Variants in ADRA1A observed in about 807,000 individuals in gnomAD.
ADRA1A encodes the protein alpha-1A adrenergic receptor.
Under a neutral mutation model 29.6 loss-of-function variants are expected in ADRA1A, and 31 were observed. That is an observed-to-expected ratio of 1.05 (90% CI 0.79 to 1.41). The LOEUF is 1.41. ADRA1A is among the 40% of genes most tolerant of loss of function. ADRA1A has a pLI of 0.00. For synonymous variants in ADRA1A, 311 were observed against 254.3 expected, an observed-to-expected ratio of 1.22 and a Z score of -2.12; for missense variants, 619 against 601.1, an observed-to-expected ratio of 1.03 and a Z score of -0.31.
At chr8:26,770,902 T>C (rs1016757682) in intron 2 of ADRA1A, among the ~76,000 whole-genome samples, 1 of 152,174 alleles carries the variant, frequency 6.6e-6, no homozygotes, top group Non-Finnish European at 1.5e-5. Flanking sequence ...GCAGGCCCAG[T>C]GGGTAGGGTT....
At chr8:26,857,013 C>T (rs1813098764) in intron 2 of ADRA1A, among the ~76,000 whole-genome samples, 1 of 152,214 alleles carries the variant, frequency 6.6e-6, no homozygotes, top group African/African-American at 2.4e-5. Flanking sequence ...ACTTGCTGCT[C>T]TCCCATCAAG....
intron 2 of ADRA1A, among the ~76,000 whole-genome samples, chr8:26,853,301 G>T (rs1812770047): frequency 6.6e-6 from 1 of 152,144 alleles, no homozygotes; most frequent in Non-Finnish European, 1.5e-5. Flanking sequence ...TTTTCCAGGA[G>T]ATGTTAGCAG....
chr8:26,855,312 T>G (rs1812958957), intron 2 of ADRA1A, among the ~76,000 whole-genome samples: 1 of 151,854 alleles, frequency 6.6e-6, no homozygotes, highest in Non-Finnish European at 1.5e-5. Flanking sequence ...ATAAGCTACA[T>G]CTTCTTGGCA....
chr8:26,861,059 C>T (rs1024674241), intron 2 of ADRA1A, among the ~76,000 whole-genome samples: 1 of 152,286 alleles, frequency 6.6e-6, no homozygotes, highest in African/African-American at 2.4e-5. Context: ...GTGAGCCTCA[C>T]GTGCCTTCCT....
chr8:26,854,511 A>G (rs544215), intron 2 of ADRA1A: 63,911 of 149,528 alleles, frequency 0.43, 14,198 homozygotes, highest in Middle Eastern at 0.51. Flanking sequence ...ATACCTGTTA[A>G]TGTGGCAGCC....
At chr8:26,790,443 T>C (rs1375164034) in intron 2 of ADRA1A, among the ~76,000 whole-genome samples, 3 of 152,112 alleles carry the variant, frequency 2.0e-5, no homozygotes, top group Non-Finnish European at 4.4e-5. Flanking sequence ...TAGTGGTTAC[T>C]GAAGGCTGGG....
intron 2 of ADRA1A, among the ~76,000 whole-genome samples, chr8:26,786,469 T>G (rs1205140757): frequency 6.6e-6 from 1 of 151,880 alleles, no homozygotes; most frequent in Admixed American, 6.6e-5. Flanking sequence ...TTGCAAGAGA[T>G]GTACTCCATT....
At chr8:26,793,582 C>T (rs963619052) in intron 2 of ADRA1A, among the ~76,000 whole-genome samples, 1 of 151,870 alleles carries the variant, frequency 6.6e-6, no homozygotes, top group Non-Finnish European at 1.5e-5. Context: ...ATGCCTCTGA[C>T]AAGCCTGACT....
chr8:26,857,317 C>T (rs981093540), intron 2 of ADRA1A, among the ~76,000 whole-genome samples: 1 of 152,024 alleles, frequency 6.6e-6, no homozygotes, highest in Non-Finnish European at 1.5e-5. Flanking sequence ...AAGCCACTAC[C>T]TTTTGGGATG....
chr8:26,848,161 C>T lies in ADRA1A; in HGVS notation c.883+15926G>A, dbSNP rs1194226108. On this transcript the variant is annotated intron_variant, in intron 2 of 2. Coordinates refer to ENST00000380573, the MANE Select transcript of ADRA1A (RefSeq NM_000680.4). The surrounding 1 kb of genome is among the most constrained non-coding windows in gnomAD (Gnocchi z 4.3). The stretch of plus-strand genomic sequence containing the variant: ...GCAGCTCCTGCAAGATGTCACTAAT[C>T]CCTTGCGTGCCTCAGTTTCCTTATC... Among the ~76,000 whole-genome samples, 1 of 152,230 alleles carries T rather than the reference C, an allele frequency of 6.6e-6. No homozygotes were observed. Among genetic ancestry groups the T allele is most frequent in the African/African-American group, 2.4e-5 (1 of 41,464 alleles).
At chr8:26,818,018 C>T (rs1809885002) in intron 2 of ADRA1A, among the ~76,000 whole-genome samples, 1 of 152,196 alleles carries the variant, frequency 6.6e-6, no homozygotes, top group Non-Finnish European at 1.5e-5. Context: ...CAGGAAGGAA[C>T]ATCCCAACAT....
At chr8:26,762,327 AG>A (rs2130217180), downstream of ADRA1A, among the ~76,000 whole-genome samples, 1 of 152,194 alleles carries the variant, frequency 6.6e-6, no homozygotes, top group Non-Finnish European at 1.5e-5. The surrounding 1 kb of genome is among the most constrained non-coding windows in gnomAD (Gnocchi z 4.0). Flanking sequence ...AGAGGGTAAA[AG>A]TCATTGGGGG....
intron 2 of ADRA1A, among the ~76,000 whole-genome samples, chr8:26,833,697 G>A (rs1056009884): frequency 6.6e-6 from 1 of 152,146 alleles, no homozygotes; most frequent in African/African-American, 2.4e-5. Flanking sequence ...CAATTCATTC[G>A]GCTTGCATAT....
chr8:26,840,263 C>CATTT (rs1811721328), intron 2 of ADRA1A, among the ~76,000 whole-genome samples: 1 of 152,188 alleles, frequency 6.6e-6, no homozygotes, highest in Non-Finnish European at 1.5e-5. Flanking sequence ...AATCCCTGGG[C>CATTT]ATTTGGTCAG....
intron 2 of ADRA1A, among the ~76,000 whole-genome samples, chr8:26,818,353 C>A (rs1041413716): frequency 6.6e-6 from 1 of 151,976 alleles, no homozygotes; most frequent in East Asian, 1.9e-4. Flanking sequence ...AATATTAAGT[C>A]AAAAAGAATT....
At chr8:26,771,014 A>T (rs1806104437) in intron 2 of ADRA1A, among the ~76,000 whole-genome samples, 1 of 152,248 alleles carries the variant, frequency 6.6e-6, no homozygotes, top group Non-Finnish European at 1.5e-5. Flanking sequence ...CCTAAATTGA[A>T]AAGTAAGTTG....
intron 2 of ADRA1A, among the ~76,000 whole-genome samples, chr8:26,758,467 T>A (rs548936358): frequency 6.6e-6 from 1 of 152,246 alleles, no homozygotes; most frequent in East Asian, 1.9e-4. Flanking sequence ...GTGCTAGCAT[T>A]TATAGGGGGC....
downstream of ADRA1A, chr8:26,765,977 T>A: frequency 8.8e-7 from 1 of 1,131,412 alleles, no homozygotes. Flanking sequence ...ACAAGCGATG[T>A]CACATAATAC....
At chr8:26,749,495 C>T (rs1306305509) in intron 2 of ADRA1A, among the ~76,000 whole-genome samples, 1 of 152,152 alleles carries the variant, frequency 6.6e-6, no homozygotes, top group East Asian at 1.9e-4. Flanking sequence ...TGATGCCTGG[C>T]ATGTAATAAA....
Sources: allele counts gnomAD v4.1 joint callset (sites outside exome capture counted in the v4.1 genomes callset), GRCh38; gene constraint gnomAD v4.1.1; non-coding constraint Gnocchi (gnomAD v3.1); transcripts MANE v1.5; gene names NCBI Gene and HGNC (gene_info 2026-07-23, HGNC 2026-07-21).